Variants in SORCS2 observed in about 807,000 individuals in gnomAD.
SORCS2 encodes VPS10 domain-containing receptor SorCS2.
A neutral mutation model predicts 141.6 loss-of-function variants in SORCS2; 100 were observed. The ratio of observed to expected loss-of-function variants is 0.71; its 90% CI spans 0.60 to 0.83. The LOEUF (loss-of-function observed/expected upper bound fraction) is 0.83. Ranked by LOEUF, SORCS2 falls within the 40% of genes least tolerant of loss-of-function variation. The pLI, the probability that SORCS2 is intolerant of heterozygous loss-of-function variation, is 0.00. For synonymous variants in SORCS2, 789 were observed against 676.9 expected, an observed-to-expected ratio of 1.17 and a Z score of -2.57; for missense variants, 1,646 against 1,560.2, an observed-to-expected ratio of 1.05 and a Z score of -0.93.
intron 4 of SORCS2, among the ~76,000 whole-genome samples, chr4:7,645,859 T>A (rs955793167): frequency 2.0e-5 from 3 of 152,200 alleles, no homozygotes; most frequent in African/African-American, 7.2e-5. Flanking sequence ...TGACACCTGC[T>A]CCAGGGTGTA....
chr4:7,198,751 C>G (rs1325690372), intron 1 of SORCS2, among the ~76,000 whole-genome samples: 3 of 152,144 alleles, frequency 2.0e-5, no homozygotes, highest in Non-Finnish European at 4.4e-5. Context: ...TGTCCGGGAC[C>G]CTGGGCCTGG....
chr4:7,560,534 C>A (rs1379508457), intron 3 of SORCS2, among the ~76,000 whole-genome samples: 1 of 152,104 alleles, frequency 6.6e-6, no homozygotes. Context: ...AGGAGAAGTG[C>A]TCGTAGGGTG....
At chr4:7,609,889 C>G (rs1162172029) in intron 3 of SORCS2, among the ~76,000 whole-genome samples, 3 of 152,244 alleles carry the variant, frequency 2.0e-5, no homozygotes, top group Admixed American at 6.5e-5. Flanking sequence ...ATGCCATCTG[C>G]CCTGCACTTT....
At chr4:7,391,390 G>A (rs182332454) in intron 1 of SORCS2, among the ~76,000 whole-genome samples, 5 of 152,300 alleles carry the variant, frequency 3.3e-5, no homozygotes, top group South Asian at 2.1e-4. Context: ...GCTTTGAGAC[G>A]TAGCCCAGGC....
chr4:7,472,019 G>T (rs763122616), intron 2 of SORCS2, among the ~76,000 whole-genome samples: 4 of 152,216 alleles, frequency 2.6e-5, no homozygotes, highest in Non-Finnish European at 5.9e-5. Context: ...CTAGTGCTTC[G>T]ACCCTGACCT....
At chr4:7,220,384 G>A (rs1407220962) in intron 1 of SORCS2, among the ~76,000 whole-genome samples, 1 of 152,162 alleles carries the variant, frequency 6.6e-6, no homozygotes, top group Non-Finnish European at 1.5e-5. Flanking sequence ...AGTCTTCTCT[G>A]CACCCCACTA....
chr4:7,340,226 A>T (rs925761874), intron 1 of SORCS2, among the ~76,000 whole-genome samples: 72 of 152,366 alleles, frequency 4.7e-4, no homozygotes, highest in African/African-American at 1.6e-3. Flanking sequence ...ACCACAACCC[A>T]GGCCTGTACG....
At chr4:7,502,119 C>T (rs1265580300) in intron 2 of SORCS2, among the ~76,000 whole-genome samples, 2 of 152,200 alleles carry the variant, frequency 1.3e-5, no homozygotes, top group African/African-American at 4.8e-5. Context: ...CCTGGAGTGG[C>T]TGGGGTGGTT....
intron 8 of SORCS2, among the ~76,000 whole-genome samples, chr4:7,672,701 C>G (rs1418204821): frequency 2.6e-5 from 4 of 152,178 alleles, no homozygotes. Context: ...CTGGATACCC[C>G]TCATATCCAT....
chr4:7,525,436 G>C (rs143144510), intron 2 of SORCS2, among the ~76,000 whole-genome samples: 1 of 152,132 alleles, frequency 6.6e-6, no homozygotes, highest in East Asian at 1.9e-4. Context: ...AGCAGTGGGC[G>C]GACATGAGCC....
At chr4:7,356,869 C>T (rs1276987772) in intron 1 of SORCS2, among the ~76,000 whole-genome samples, 1 of 152,214 alleles carries the variant, frequency 6.6e-6, no homozygotes, top group Admixed American at 6.5e-5. Context: ...CCGGGCCTGG[C>T]CTGCTGGCTG....
intron 2 of SORCS2, among the ~76,000 whole-genome samples, chr4:7,402,992 CA>C (rs199796942): frequency 0.018 from 2,765 of 152,158 alleles, 86 homozygotes; most frequent in African/African-American, 0.064. Flanking sequence ...ATGTGCCCTC[CA>C]AATGTGTCTT....
rs146842965 is a variant in SORCS2 at position 7,641,073 on chromosome 4, G to A, written c.813+2581G>A. Reference sequence around the variant, plus strand: ...CAAACACAAGCTGCCCAAATCAGCAGCCTTCCCTGTGCCACCGCAGGCCAG... The same window carrying A: ...CAAACACAAGCTGCCCAAATCAGCAACCTTCCCTGTGCCACCGCAGGCCAG... On this transcript the variant is annotated intron_variant, in intron 4 of 26. Coordinates refer to ENST00000507866, the MANE Select transcript of SORCS2 (RefSeq NM_020777.3). 4.0e-3 allele frequency among the ~76,000 whole-genome samples: 607 copies of A among 152,298 alleles called. 6 individuals carry two copies. The highest frequency in any genetic ancestry group is 0.014 in the African/African-American group (567 of 41,554).
At chr4:7,234,971 T>TGGCA (rs376246779) in intron 1 of SORCS2, among the ~76,000 whole-genome samples, 1 of 152,274 alleles carries the variant, frequency 6.6e-6, no homozygotes, top group African/African-American at 2.4e-5. Context: ...GTGGAGTGCG[T>TGGCA]GGCAGGGGAA....
rs939465015 is a variant in SORCS2 at position 7,544,387 on chromosome 4, C to T, written c.648+12758C>T. 2.0e-5 allele frequency among the ~76,000 whole-genome samples: 3 copies of T among 152,318 alleles called. No individual in the cohort carries two copies. The South Asian group carries it at 6.2e-4, about 32-fold the overall frequency. Reference sequence around the variant, plus strand: ...GTGTTAGCTGTGGGTGAAGGGGATGCTGTTCCCTGAGATGGAGAGCCCTGG... The same window carrying T: ...GTGTTAGCTGTGGGTGAAGGGGATGTTGTTCCCTGAGATGGAGAGCCCTGG... On this transcript the variant is annotated intron_variant, in intron 3 of 26. Transcript: ENST00000507866.
At chr4:7,366,449 G>T (rs568361095) in intron 1 of SORCS2, among the ~76,000 whole-genome samples, 7 of 145,360 alleles carry the variant, frequency 4.8e-5, no homozygotes, top group Admixed American at 2.1e-4. Context: ...AGTCCTCACG[G>T]TGGATGCCCC....
chr4:7,430,509 A>T (rs116057399), intron 2 of SORCS2: 58 of 152,356 alleles, frequency 3.8e-4, no homozygotes, highest in African/African-American at 1.3e-3. Context: ...GTGTTCTGGG[A>T]CGTCCCAGGC....
intron 2 of SORCS2, among the ~76,000 whole-genome samples, chr4:7,499,891 G>T (rs1353240978): frequency 6.6e-6 from 1 of 152,152 alleles, no homozygotes; most frequent in Admixed American, 6.5e-5. Flanking sequence ...GAGAAGGGCC[G>T]TGAGGAGGAG....
At chr4:7,662,067 C>T (rs929647141) in intron 6 of SORCS2, among the ~76,000 whole-genome samples, 2 of 152,172 alleles carry the variant, frequency 1.3e-5, no homozygotes, top group Admixed American at 6.5e-5. Flanking sequence ...CCAGCCCTGC[C>T]GCTGGCCAAC....
Sources: gnomAD v4.1 joint callset for allele counts (sites outside exome capture counted in the v4.1 genomes callset) on GRCh38, gnomAD v4.1.1 for gene constraint, MANE v1.5 for transcripts, NCBI Gene and HGNC (gene_info 2026-07-23, HGNC 2026-07-21) for gene names.